DEAF1: variants seen among roughly 807,000 people sequenced by gnomAD.
The protein encoded by DEAF1 is DEAF1 transcription factor, also known as deformed epidermal autoregulatory factor 1 homolog.
A neutral mutation model predicts 58.9 loss-of-function variants in DEAF1; 53 were observed. That is an observed-to-expected ratio of 0.90 (90% CI 0.72 to 1.13). The LOEUF (loss-of-function observed/expected upper bound fraction) is 1.13, where lower values mean the gene tolerates loss of function less well. Among genes scored for constraint, DEAF1 ranks in the 50% most tolerant of loss-of-function variants. The pLI is 0.00. For synonymous variants in DEAF1, 385 were observed against 340.4 expected (o/e 1.13, Z -1.44); for missense variants, 685 against 791.4 (o/e 0.87, Z 1.61).
chr11:658,579 G>A (rs891384776), intron 10 of DEAF1, among the ~76,000 whole-genome samples: 45 of 152,276 alleles, frequency 3.0e-4, no homozygotes, highest in Admixed American at 9.8e-4. Context: ...ACAGGACTGC[G>A]GATGGCACAA....
intron 10 of DEAF1, among the ~76,000 whole-genome samples, chr11:660,060 G>A (rs1378461339): frequency 1.3e-5 from 2 of 152,214 alleles, no homozygotes; most frequent in African/African-American, 2.4e-5. Context: ...TGCCCACCAT[G>A]GGGCAGAGGG....
intron 9 of DEAF1, 88 bp from the exon 10 acceptor site, chr11:674,871 G>GCCAC: frequency 6.4e-7 from 1 of 1,573,676 alleles, no homozygotes; most frequent in Non-Finnish European, 8.6e-7. Flanking sequence ...TCAGCCGGGC[G>GCCAC]CGGTGGCTCA....
chr11:694,526 G>A (rs1319372196), intron 1 of DEAF1: 4 of 364,220 alleles, frequency 1.1e-5, no homozygotes, highest in Non-Finnish European at 1.9e-5. Context: ...AGAGGCAGAT[G>A]TGAGGGGTGA....
rs569809728 is a variant in DEAF1 at position 689,869 on chromosome 11, T to A, written c.388-1409A>T. The A allele has an allele frequency of 2.6e-5, 4 of 152,210 alleles. No homozygotes were observed. In the East Asian group the frequency reaches 5.9e-4, roughly 22 times the overall value. The allele number at this position is 152,210 out of a possible 1,614,324, so 9.4% of individuals were successfully genotyped here. On this transcript the variant is annotated intron_variant, in intron 2 of 11. Transcript: ENST00000382409. ...TGCAGGACACCCCCGCTCCATGACG[T>A]CAGCACGTTCCAGGCACCCACAGGT...
Position 700,653 on chromosome 11 carries a change from G to C in DEAF1, c.-438+5919C>G, listed in dbSNP as rs148483462. 6 of 1,614,034 alleles carry C rather than the reference G, an allele frequency of 3.7e-6. No individual in the cohort carries two copies. In the South Asian group the frequency reaches 5.5e-5, roughly 15 times the overall value. ...CTATCCTCACCGCTACCTGGTCCTC[G>C]ATCTTGCTCTGCTGTTTCTGATGGG... is the stretch of plus-strand genomic sequence containing the variant. On this transcript the variant is annotated intron_variant, in intron 1 of 11. Coordinates refer to the DEAF1 transcript ENST00000683307.
intron 10 of DEAF1, among the ~76,000 whole-genome samples, chr11:669,406 G>A (rs1284679152): frequency 5.3e-5 from 8 of 152,172 alleles, no homozygotes; most frequent in Admixed American, 5.2e-4. Context: ...GGAGGCCGAG[G>A]TGGGCAGATC....
intron 11 of DEAF1, among the ~76,000 whole-genome samples, chr11:650,212 A>G (rs1858701292): frequency 2.0e-5 from 3 of 151,510 alleles, no homozygotes; most frequent in Admixed American, 2.0e-4. Context: ...CGTCTCTATT[A>G]AAAATACAAA....
At chr11:646,124 G>T (rs746742755) in intron 11 of DEAF1, among the ~76,000 whole-genome samples, 9 of 151,832 alleles carry the variant, frequency 5.9e-5, no homozygotes, top group Admixed American at 5.9e-4. Context: ...GTGGTCATGC[G>T]CACCTGCAAT....
chr11:665,710 G>A (rs1859494904), intron 10 of DEAF1, among the ~76,000 whole-genome samples: 1 of 152,192 alleles, frequency 6.6e-6, no homozygotes, highest in South Asian at 2.1e-4. Context: ...AGGGGAGAGA[G>A]GCAGCCAGGT....
chr11:647,330 T>G (rs575287605), intron 11 of DEAF1, among the ~76,000 whole-genome samples: 1 of 152,018 alleles, frequency 6.6e-6, no homozygotes, highest in African/African-American at 2.4e-5. Flanking sequence ...GGCGGGTGCC[T>G]GTAATCCCCA....
At chr11:650,994 G>A (rs12366210) in intron 11 of DEAF1, among the ~76,000 whole-genome samples, 25,463 of 151,326 alleles carry the variant, frequency 0.17, 2,748 homozygotes, top group African/African-American at 0.31. Context: ...ATGGAGTCTC[G>A]CTCTGTTGCC....
At chr11:701,453 C>T (rs1276301202) in intron 1 of DEAF1, among the ~76,000 whole-genome samples, 2 of 142,828 alleles carry the variant, frequency 1.4e-5, no homozygotes, top group East Asian at 4.4e-4. Context: ...CTCTGTCGCC[C>T]AGGCTGGAGT....
intron 11 of DEAF1, chr11:651,444 A>T (rs746673871): frequency 9.2e-6 from 3 of 324,484 alleles, no homozygotes; most frequent in South Asian, 4.9e-5. Flanking sequence ...AATAAAAAAT[A>T]AAAAACTTAT....
chr11:701,223 A>C (rs943314338), intron 1 of DEAF1: 3 of 172,442 alleles, frequency 1.7e-5, no homozygotes, highest in African/African-American at 7.2e-5. Flanking sequence ...TCTGTTGCCC[A>C]GGCTGGAGTG....
rs183157042 is a variant in DEAF1, at chr11:650,775, G to A, written c.1593+3187C>T. ...TCGAGACCAGCCTGGGCAAAATGGCGAAACCCCGTCTCAACTAAAAATACA... is the reference window on the plus strand; with the variant it reads ...TCGAGACCAGCCTGGGCAAAATGGCAAAACCCCGTCTCAACTAAAAATACA... On this transcript the variant is annotated intron_variant, in intron 11 of 11. Coordinates refer to ENST00000382409, the MANE Select transcript of DEAF1 (RefSeq NM_021008.4). Among the ~76,000 whole-genome samples the A allele has an allele frequency of 9.7e-4, 147 of 152,122 alleles. 1 individual carries two copies. The highest frequency in any genetic ancestry group is 3.3e-3 in the African/African-American group (136 of 41,568).
intron 1 of DEAF1, 51 bp downstream of exon 1, chr11:694,708 G>A (rs1590027405): frequency 7.1e-6 from 9 of 1,273,630 alleles, no homozygotes; most frequent in Non-Finnish European, 8.9e-6. Flanking sequence ...CAGGCGCGCG[G>A]GGTAGGCGCG....
chr11:647,620 G>A (rs1858559406), intron 11 of DEAF1, among the ~76,000 whole-genome samples: 2 of 152,180 alleles, frequency 1.3e-5, no homozygotes, highest in Admixed American at 6.5e-5. Flanking sequence ...GCTTTAAAAT[G>A]CTCAGCCCTC....
At chr11:703,651 G>A (rs1861599777) in intron 1 of DEAF1, 2 of 1,232,808 alleles carry the variant, frequency 1.6e-6, no homozygotes, top group South Asian at 4.1e-5. Flanking sequence ...GATGGGGTAG[G>A]CCTTGTGCTC....
At chr11:685,873 T>C (rs1042401366) in intron 5 of DEAF1, among the ~76,000 whole-genome samples, 2 of 148,228 alleles carry the variant, frequency 1.3e-5, no homozygotes, top group Non-Finnish European at 3.0e-5. Flanking sequence ...GGCCGGGTAT[T>C]GTGGCTCACG....
Sources: gnomAD v4.1 joint callset for allele counts (sites outside exome capture counted in the v4.1 genomes callset) on GRCh38, gnomAD v4.1.1 for gene constraint, MANE v1.5 for transcripts, NCBI Gene and HGNC (gene_info 2026-07-23, HGNC 2026-07-21) for gene names.